Variants in SGCZ observed in about 807,000 individuals in gnomAD.
SGCZ encodes sarcoglycan zeta.
In SGCZ, 40 loss-of-function variants were observed where a neutral mutation model predicts 41.3. The ratio of observed to expected loss-of-function variants is 0.97; its 90% CI spans 0.75 to 1.26. The LOEUF (loss-of-function observed/expected upper bound fraction) is 1.26, where lower values mean the gene tolerates loss of function less well. Among genes scored for constraint, SGCZ ranks in the 50% most tolerant of loss-of-function variants. SGCZ has a pLI of 0.00. For missense variants in SGCZ, 552 were observed against 369.8 expected (o/e 1.49, Z -4.04); for synonymous variants, 206 against 137.5 (o/e 1.50, Z -3.49).
chr8:14,826,082 T>TC (rs1019247669), intron 1 of SGCZ, among the ~76,000 whole-genome samples: 1 of 94,996 alleles, frequency 1.1e-5, no homozygotes, highest in African/African-American at 4.1e-5. Flanking sequence ...ATGCTATCCC[T>TC]CCCCCCTCCC....
rs369778323 is a variant in SGCZ at position 14,751,716 on chromosome 8, T to A, written c.40-196790A>T. On this transcript the variant is annotated intron_variant, in intron 1 of 7. Transcript: ENST00000382080. ...GGTACCTGCCACCATGCCCGGCTAA[T>A]TTTTTGTATTTTTAGTAGAAATGAG... Among the ~76,000 whole-genome samples, 5 of 152,142 alleles carry A rather than the reference T, an allele frequency of 3.3e-5. No homozygotes were observed. The East Asian group carries it at 7.8e-4, about 24-fold the overall frequency.
intron 5 of SGCZ, among the ~76,000 whole-genome samples, chr8:14,153,888 C>T (rs1235318773): frequency 6.7e-6 from 1 of 149,656 alleles, no homozygotes; most frequent in East Asian, 2.0e-4. Flanking sequence ...GACACCAGGT[C>T]GGTCAGTCTG....
intron 3 of SGCZ, among the ~76,000 whole-genome samples, chr8:14,293,687 G>A (rs1300900957): frequency 1.3e-5 from 2 of 151,800 alleles, no homozygotes; most frequent in African/African-American, 2.4e-5. Flanking sequence ...GAAATTCATG[G>A]TCCCATGAAA....
chr8:14,437,679 C>G (rs1800132625), intron 2 of SGCZ, among the ~76,000 whole-genome samples: 1 of 151,576 alleles, frequency 6.6e-6, no homozygotes, highest in Admixed American at 6.6e-5. Flanking sequence ...CAAAAGGGAC[C>G]TGAGACCATC....
chr8:14,598,815 C>T (rs1402829916), intron 1 of SGCZ, among the ~76,000 whole-genome samples: 1 of 152,080 alleles, frequency 6.6e-6, no homozygotes, highest in Non-Finnish European at 1.5e-5. Context: ...AGGTATGAGG[C>T]AGTGTACCAG....
chr8:14,656,821 G>C (rs1292050989), intron 1 of SGCZ, among the ~76,000 whole-genome samples: 2 of 151,730 alleles, frequency 1.3e-5, no homozygotes, highest in Non-Finnish European at 2.9e-5. Context: ...CCTTTAAATG[G>C]TACCAAAATC....
chr8:14,283,225 G>C (rs942562546), intron 3 of SGCZ, among the ~76,000 whole-genome samples: 1 of 151,980 alleles, frequency 6.6e-6, no homozygotes, highest in African/African-American at 2.4e-5. Flanking sequence ...TGACTATCTA[G>C]CTCATATTTC....
intron 1 of SGCZ, among the ~76,000 whole-genome samples, chr8:14,926,919 G>T (rs888068090): frequency 6.6e-6 from 1 of 152,062 alleles, no homozygotes; most frequent in African/African-American, 2.4e-5. Context: ...GATTACAGGC[G>T]TGAGTCACCA....
At chr8:15,046,486 G>T (rs966270883) in intron 1 of SGCZ, among the ~76,000 whole-genome samples, 2 of 151,668 alleles carry the variant, frequency 1.3e-5, no homozygotes, top group African/African-American at 4.8e-5. Context: ...TTCCAGATTT[G>T]GCCAGTGAAG....
chr8:14,191,377 C>A (rs1370556458), intron 4 of SGCZ, among the ~76,000 whole-genome samples: 1 of 152,112 alleles, frequency 6.6e-6, no homozygotes, highest in Admixed American at 6.5e-5. Context: ...TTGCCTGCGC[C>A]ATATGACACT....
chr8:14,236,376 C>G (rs1484157316), intron 4 of SGCZ, among the ~76,000 whole-genome samples: 1 of 151,954 alleles, frequency 6.6e-6, no homozygotes, highest in Non-Finnish European at 1.5e-5. Flanking sequence ...GCAATTTTTA[C>G]AAATAAAACT....
At chr8:14,495,299 A>T (rs1281111503) in intron 2 of SGCZ, among the ~76,000 whole-genome samples, 1 of 152,224 alleles carries the variant, frequency 6.6e-6, no homozygotes, top group South Asian at 2.1e-4. Context: ...TAGAAATTAA[A>T]TCAATACATT....
intron 2 of SGCZ, among the ~76,000 whole-genome samples, chr8:14,379,700 C>T (rs1804287222): frequency 6.6e-6 from 1 of 151,958 alleles, no homozygotes; most frequent in Non-Finnish European, 1.5e-5. Context: ...AGGATGGGAG[C>T]TCCTACCCTA....
At chr8:14,555,754 G>C (rs1804016700) in intron 1 of SGCZ, among the ~76,000 whole-genome samples, 1 of 151,932 alleles carries the variant, frequency 6.6e-6, no homozygotes, top group Non-Finnish European at 1.5e-5. Context: ...GGATACAAAT[G>C]GTTCAGTATA....
At chr8:14,772,466 T>C (rs1157867054) in intron 1 of SGCZ, among the ~76,000 whole-genome samples, 2 of 151,800 alleles carry the variant, frequency 1.3e-5, no homozygotes, top group Non-Finnish European at 2.9e-5. Context: ...TTAGGGTACA[T>C]GTGCACGATG....
At chr8:14,780,334 C>A (rs1239756433) in intron 1 of SGCZ, among the ~76,000 whole-genome samples, 4 of 142,706 alleles carry the variant, frequency 2.8e-5, no homozygotes, top group Non-Finnish European at 4.5e-5. Flanking sequence ...GAGATTGCGC[C>A]ATTGCACTCC....
chr8:14,690,054 G>T (rs1808749455), intron 1 of SGCZ, among the ~76,000 whole-genome samples: 1 of 151,122 alleles, frequency 6.6e-6, no homozygotes, highest in African/African-American at 2.4e-5. Flanking sequence ...TACAAAAGCA[G>T]TTGAGAATGA....
chr8:14,102,403 C>T lies in SGCZ; in HGVS notation c.717G>A (p.Glu239=), dbSNP rs1802058062. ...AGDFKATCRK[E]LHLQSTEGEI... ...CCCCTTCTGTAGATTGCAGATGGAG[C>T]TCCTTCCTGCAGGTGGCCTTGAAGT... The change falls in exon 7 of 8, where the codon GAG becomes GAA. Residue 239 remains glutamate, a synonymous_variant. Coordinates refer to ENST00000382080, the MANE Select transcript of SGCZ (RefSeq NM_139167.4). 1 of 1,522,134 alleles carries T rather than the reference C, an allele frequency of 6.6e-7. No individual in the cohort carries two copies. The highest frequency in any genetic ancestry group is 2.4e-5 in the East Asian group (1 of 41,654). 94.3% of individuals were successfully genotyped at this position (1,522,134 alleles called of 1,614,324 possible).
intron 1 of SGCZ, among the ~76,000 whole-genome samples, chr8:14,846,423 T>A (rs902351273): frequency 6.6e-6 from 1 of 151,786 alleles, no homozygotes; most frequent in African/African-American, 2.4e-5. Flanking sequence ...AGTTAACGTA[T>A]CCCAGCAAGA....
Sources: allele counts gnomAD v4.1 joint callset (sites outside exome capture counted in the v4.1 genomes callset), GRCh38; gene constraint gnomAD v4.1.1; transcripts MANE v1.5; gene names NCBI Gene and HGNC (gene_info 2026-07-23, HGNC 2026-07-21).